Variants in GCM1 observed in about 807,000 individuals in gnomAD.
GCM1 encodes the protein chorion-specific transcription factor GCMa.
GCM1 carries 2 observed loss-of-function variants against 25.7 expected under a neutral mutation model. The observed-to-expected ratio is 0.08, with a 90% CI of 0.03 to 0.24. The LOEUF (loss-of-function observed/expected upper bound fraction) is 0.24. GCM1 is among the 10% of genes least tolerant of loss of function. The pLI is 1.00. For missense variants in GCM1, 395 were observed against 538.7 expected, an observed-to-expected ratio of 0.73 and a Z score of 2.64; for synonymous variants, 183 against 195.7, an observed-to-expected ratio of 0.94 and a Z score of 0.54.
At chr6:53,141,735 G>A (rs1344429995) in intron 2 of GCM1, among the ~76,000 whole-genome samples, 4 of 151,602 alleles carry the variant, frequency 2.6e-5, no homozygotes, top group Non-Finnish European at 4.4e-5. Flanking sequence ...CGGGTGCAAT[G>A]GTTCATGCCT....
In GCM1 at chr6:53,132,022, G is replaced by T. The variant is rs760126704; in HGVS notation, c.426C>A (p.Arg142=). 1.2e-6 allele frequency: 2 copies of T among 1,604,380 alleles called. No individual in the cohort carries two copies. ...AAAATCCAACCTGGAAAAATATAAAGCGTCCGTCGTGCCTCCAGAAGTTGG... is the reference window on the plus strand; with the variant it reads ...AAAATCCAACCTGGAAAAATATAAATCGTCCGTCGTGCCTCCAGAAGTTGG... The part of the protein sequence containing the change: ...PVTNFWRHDG[R]FIFFQSKGEH... The change falls in exon 4 of 6, where the codon CGC becomes CGA. Residue 142 remains arginine, a synonymous_variant. Coordinates refer to ENST00000259803, the MANE Select transcript of GCM1 (RefSeq NM_003643.4).
intron 5 of GCM1, among the ~76,000 whole-genome samples, chr6:53,129,504 C>G (rs149558575): frequency 0.027 from 4,088 of 152,276 alleles, 63 homozygotes; most frequent in Middle Eastern, 0.092. Flanking sequence ...GAACTCCTGA[C>G]CTCAAGTGAC....
At chr6:53,131,153 G>T (rs1763719572) in intron 4 of GCM1, among the ~76,000 whole-genome samples, 1 of 152,196 alleles carries the variant, frequency 6.6e-6, no homozygotes. Flanking sequence ...ACAGTGCTAA[G>T]TAACACTTAC....
In GCM1 at chr6:53,130,858, A is replaced by G. The variant is rs1484203770; in HGVS notation, c.515T>C (p.Val172Ala). 6.2e-7 allele frequency: 1 copy of G among 1,613,748 alleles called. No individual in the cohort carries two copies. The highest frequency in any genetic ancestry group is 1.7e-5 in the Admixed American group (1 of 59,998). Residue 172 changes from valine to alanine, a missense_variant, in exon 5 of 6, where the codon GTG becomes GCG. By Grantham distance (64) the Val-to-Ala change is moderately conservative. Transcript: ENST00000259803. ...EAEARRAMKKVNTAPSSVSLS... is the reference protein window; with the variant it reads ...EAEARRAMKKANTAPSSVSLS... Reference sequence around the variant, plus strand: ...TGAGACGGAGGAAGGTGCTGTGTTCACTTTCTTCATGGCTCTTCTTGCCTC... The same window carrying G: ...TGAGACGGAGGAAGGTGCTGTGTTCGCTTTCTTCATGGCTCTTCTTGCCTC...
intron 2 of GCM1, among the ~76,000 whole-genome samples, chr6:53,139,495 CAAAAAAA>C (rs58094365): frequency 2.8e-5 from 3 of 105,830 alleles, no homozygotes; most frequent in Non-Finnish European, 1.9e-5. Context: ...ACCCCCATCT[CAAAAAAA>C]AAAAAAAAAA....
intron 3 of GCM1, among the ~76,000 whole-genome samples, chr6:53,133,749 C>T (rs954524735): frequency 6.6e-6 from 1 of 152,180 alleles, no homozygotes; most frequent in Non-Finnish European, 1.5e-5. Flanking sequence ...TCATCTTGGC[C>T]TCCCAAAGTG....
Position 53,134,331 on chromosome 6 carries a change from G to C in GCM1, c.76-7C>G. On this transcript the variant is annotated splice_polypyrimidine_tract_variant and splice_region_variant and intron_variant, in intron 2 of 5. Coordinates refer to ENST00000259803, the MANE Select transcript of GCM1 (RefSeq NM_003643.4). The stretch of plus-strand genomic sequence containing the variant: ...AGTCGGTTTTTTTCACGTTCTGATA[G>C]AAACACAAAAGATACGACTATACTT... The C allele has an allele frequency of 6.2e-7, 1 of 1,611,856 alleles. No homozygotes were observed. Among genetic ancestry groups the C allele is most frequent in the African/African-American group, 1.3e-5 (1 of 74,960 alleles).
At chr6:53,143,006 T>C (rs1435488973) in intron 2 of GCM1, among the ~76,000 whole-genome samples, 1 of 148,396 alleles carries the variant, frequency 6.7e-6, no homozygotes, top group Non-Finnish European at 1.5e-5. Flanking sequence ...ATATAAACAA[T>C]ATAAAATCTA....
intron 1 of GCM1, among the ~76,000 whole-genome samples, chr6:53,146,515 C>T (rs371863464): frequency 4.1e-4 from 63 of 151,954 alleles, no homozygotes; most frequent in South Asian, 1.9e-3. Context: ...CCACCGCACC[C>T]GGCCAGAAAA....
rs1223691364 is a variant in GCM1 at position 53,128,028 on chromosome 6, CAAAA to C, written c.*174_*177del. The C allele has an allele frequency of 0.019, 1,284 of 66,152 alleles. 14 individuals carry two copies. In the East Asian group the frequency reaches 0.2, roughly 10 times the overall value. 4.1% of individuals were successfully genotyped at this position (66,152 alleles called of 1,614,324 possible). ...TGGGCAAAAGAGCAAGACTCTGTCT[CAAAA>C]AAAAAAAAAAAAAAAAAAAAAGAAG... On this transcript the variant is annotated 3_prime_UTR_variant, in exon 6 of 6. Coordinates refer to ENST00000259803, the MANE Select transcript of GCM1 (RefSeq NM_003643.4).
At position 53,132,087 on chromosome 6, in the gene GCM1, T is replaced by G. The variant is rs1763735400; in HGVS notation, c.361A>C (p.Lys121Gln). 4.3e-6 allele frequency: 7 copies of G among 1,612,620 alleles called. No homozygotes were observed. The highest frequency in any genetic ancestry group is 5.9e-6 in the Non-Finnish European group (7 of 1,178,780). Reference sequence around the variant, plus strand: ...CCATGACCTCGGCAAGGGATGAGCTTCAGAGGCCCGTCACAGTTGGGACAG... The same window carrying G: ...CCATGACCTCGGCAAGGGATGAGCTGCAGAGGCCCGTCACAGTTGGGACAG... ...KRCPNCDGPLKLIPCRGHGGF... is the reference protein window; with the variant it reads ...KRCPNCDGPLQLIPCRGHGGF... The change falls in exon 4 of 6, where the codon AAG becomes CAG. Residue 121 changes from lysine to glutamine, a missense_variant. Transcript: ENST00000259803.
In GCM1 at chr6:53,128,488, C is replaced by T. The variant is rs1028293636; in HGVS notation, c.1029G>A (p.Leu343=). 6.2e-7 allele frequency: 1 copy of T among 1,613,872 alleles called. No homozygotes were observed. The highest frequency in any genetic ancestry group is 1.3e-5 in the African/African-American group (1 of 74,876). The change falls in exon 6 of 6, where the codon TTG becomes TTA. Residue 343 remains leucine (L), a synonymous_variant. Coordinates refer to ENST00000259803, the MANE Select transcript of GCM1 (RefSeq NM_003643.4). ...AGCCAGTTTTGGCTGCAGGTGGCTC[C>T]AATGGAAGCTGCTGGTAAAAGGGTT... ...SSEPFYQQLP[L]EPPAAKTGCP... is the part of the protein sequence containing the mutation.
chr6:53,145,450 A>C (rs1763940527), intron 2 of GCM1, 108 bp downstream of exon 2: 1 of 753,974 alleles, frequency 1.3e-6, no homozygotes, highest in African/African-American at 1.7e-5. Flanking sequence ...AGGGGAGAGG[A>C]ATTTACCCAG....
chr6:53,128,458 G>C lies in GCM1; in HGVS notation c.1059C>G (p.Pro353=), dbSNP rs1456459062. Residue 353 remains proline (P), a synonymous_variant, in exon 6 of 6, where the codon CCC becomes CCG. Transcript: ENST00000259803. ...LEPPAAKTGC[P]PLWPNPAGNL... is the part of the protein sequence containing the mutation. ...TACCCGCTGGATTTGGCCATAATGG[G>C]GGACAGCCAGTTTTGGCTGCAGGTG... The C allele has an allele frequency of 1.2e-6, 2 of 1,614,112 alleles. No homozygotes were observed. Among genetic ancestry groups the C allele is most frequent in the Admixed American group, 3.3e-5 (2 of 60,006 alleles).
Position 53,148,193 on chromosome 6 carries a change from G to A in GCM1, c.-137+561C>T, listed in dbSNP as rs73740973. ...TTAAATAACAGGTATAGAAGATGCA[G>A]ATACCAAGCAGCAGTTCCGTGTACT... On this transcript the variant is annotated intron_variant, in intron 1 of 5. Coordinates refer to ENST00000259803, the MANE Select transcript of GCM1 (RefSeq NM_003643.4). 7.1e-3 allele frequency among the ~76,000 whole-genome samples: 1,075 copies of A among 152,290 alleles called. 17 individuals are homozygous for A. The highest frequency in any genetic ancestry group is 0.024 in the African/African-American group (1,000 of 41,550).
At chr6:53,131,750 T>G (rs571049580) in intron 4 of GCM1, among the ~76,000 whole-genome samples, 2 of 152,182 alleles carry the variant, frequency 1.3e-5, no homozygotes, top group Non-Finnish European at 2.9e-5. Flanking sequence ...GCGGCATGCT[T>G]AGAAGCACTG....
intron 5 of GCM1, among the ~76,000 whole-genome samples, chr6:53,130,260 C>T (rs1286053047): frequency 6.6e-6 from 1 of 152,092 alleles, no homozygotes; most frequent in Admixed American, 6.5e-5. Context: ...TGCAAAAAAA[C>T]CTATGATCTG....
intron 4 of GCM1, among the ~76,000 whole-genome samples, 178 bp downstream of exon 4, chr6:53,131,829 C>T (rs1298241099): frequency 1.3e-5 from 2 of 152,082 alleles, no homozygotes; most frequent in Non-Finnish European, 2.9e-5. Flanking sequence ...CAGGCAGCTC[C>T]CCTTCTAGAG....
intron 5 of GCM1, 25 bp downstream of exon 5, chr6:53,130,778 T>A (rs1218370068): frequency 6.8e-6 from 11 of 1,607,354 alleles, no homozygotes; most frequent in Non-Finnish European, 9.4e-6. Flanking sequence ...ACTGCATGTA[T>A]TGAACATACA....
Sources: gnomAD v4.1 joint callset for allele counts (sites outside exome capture counted in the v4.1 genomes callset) on GRCh38, gnomAD v4.1.1 for gene constraint, MANE v1.5 for transcripts, NCBI Gene and HGNC (gene_info 2026-07-23, HGNC 2026-07-21) for gene names.